Variants in KDM1B observed in about 807,000 individuals in gnomAD.
The protein encoded by KDM1B is lysine-specific histone demethylase 2.
A neutral mutation model predicts 107.4 loss-of-function variants in KDM1B; 63 were observed. The observed-to-expected ratio is 0.59, with a 90% CI of 0.48 to 0.72. The LOEUF is 0.72. Ranked by LOEUF, KDM1B falls within the 30% of genes least tolerant of loss-of-function variation. The probability of loss-of-function intolerance (pLI) is 0.00; values close to 1 mark genes in which losing one functional copy is unlikely to be tolerated. For missense variants in KDM1B, 749 were observed against 1,020.8 expected, an observed-to-expected ratio of 0.73 and a Z score of 3.63; for synonymous variants, 363 against 363.9, an observed-to-expected ratio of 1.00 and a Z score of 0.03.
In KDM1B at chr6:18,204,767, C is replaced by G. The variant is rs1341397680; in HGVS notation, c.1532-770C>G. Among the ~76,000 whole-genome samples, 2 of 152,116 alleles carry G rather than the reference C, an allele frequency of 1.3e-5. No homozygotes were observed. The highest frequency in any genetic ancestry group is 4.8e-5 in the African/African-American group (2 of 41,414). ...GAAATTCTGGGGGCTTGCCACGGCC[C>G]GGTGATGCCCGACTATAAAGAATGG... On this transcript the variant is annotated intron_variant, in intron 14 of 21. Coordinates refer to ENST00000650836, the MANE Select transcript of KDM1B (RefSeq NM_001364614.2). The surrounding 1 kb of genome is among the most constrained non-coding windows in gnomAD (Gnocchi z 4.9).
At chr6:18,190,111 T>C (rs946045624) in intron 9 of KDM1B, among the ~76,000 whole-genome samples, 68 of 150,402 alleles carry the variant, frequency 4.5e-4, no homozygotes, top group Non-Finnish European at 1.5e-4. Context: ...GATTGTGCCA[T>C]TACACTCCAG....
At chr6:18,210,665 C>G (rs2151017100) in intron 17 of KDM1B, among the ~76,000 whole-genome samples, 1 of 152,098 alleles carries the variant, frequency 6.6e-6, no homozygotes, top group Admixed American at 6.6e-5. Flanking sequence ...CTGGGCTACT[C>G]AAGTTCTTAT....
At chr6:18,218,131 G>GT (rs1433520462) in intron 21 of KDM1B, among the ~76,000 whole-genome samples, 2 of 151,040 alleles carry the variant, frequency 1.3e-5, no homozygotes, top group Admixed American at 6.6e-5. Context: ...TTTCTTTTTT[G>GT]TTTTTTTGAG....
At chr6:18,174,372 T>A (rs1785853913) in intron 7 of KDM1B, among the ~76,000 whole-genome samples, 1 of 152,168 alleles carries the variant, frequency 6.6e-6, no homozygotes, top group Non-Finnish European at 1.5e-5. Context: ...TATGGGTCAT[T>A]TGGAGAAGTG....
intron 7 of KDM1B, among the ~76,000 whole-genome samples, chr6:18,184,045 T>C (rs1786662115): frequency 6.6e-6 from 1 of 151,974 alleles, no homozygotes; most frequent in Admixed American, 6.6e-5. Flanking sequence ...CATAACTCAA[T>C]GAATTTTCGC....
Position 18,209,590 on chromosome 6 carries a change from T to C in KDM1B, c.1866+1384T>C, listed in dbSNP as rs939121783. On this transcript the variant is annotated intron_variant, in intron 17 of 21. Transcript: ENST00000650836. The surrounding 1 kb of genome is among the most constrained non-coding windows in gnomAD (Gnocchi z 4.3). ...AAGCCCCACCCTGATGCGTTCTTGTTGAATTGGCCTCGCTTTTTTGTTTGT... is the reference window on the plus strand; with the variant it reads ...AAGCCCCACCCTGATGCGTTCTTGTCGAATTGGCCTCGCTTTTTTGTTTGT... Among the ~76,000 whole-genome samples, 12 of 152,190 alleles carry C rather than the reference T, an allele frequency of 7.9e-5. No homozygotes were observed. Among genetic ancestry groups the C allele is most frequent in the African/African-American group, 2.7e-4 (11 of 41,466 alleles).
chr6:18,199,330 C>T (rs1787882328), intron 12 of KDM1B, among the ~76,000 whole-genome samples: 3 of 152,162 alleles, frequency 2.0e-5, no homozygotes. Flanking sequence ...CCTTTCCGCC[C>T]CATCCCCAAG....
intron 12 of KDM1B, among the ~76,000 whole-genome samples, chr6:18,198,540 T>C (rs1260580447): frequency 6.6e-6 from 1 of 151,566 alleles, no homozygotes; most frequent in East Asian, 2.0e-4. Flanking sequence ...CCAGTTAAAT[T>C]TTTTTATGCC....
rs1164736109 is a variant in KDM1B at position 18,211,949 on chromosome 6, G to GTTT, written c.1867-525_1867-523dup. 16 of 135,382 alleles carry GTTT rather than the reference G, an allele frequency of 1.2e-4. No homozygotes were observed. Among genetic ancestry groups the GTTT allele is most frequent in the South Asian group, 2.3e-4 (1 of 4,304 alleles). The allele number at this position is 135,382 out of a possible 1,614,324, so 8.4% of individuals were successfully genotyped here. On this transcript the variant is annotated intron_variant, in intron 17 of 21. Coordinates refer to ENST00000650836, the MANE Select transcript of KDM1B (RefSeq NM_001364614.2). The surrounding 1 kb of genome is among the most constrained non-coding windows in gnomAD (Gnocchi z 5.2). The stretch of plus-strand genomic sequence containing the variant: ...CTCAAGTACTGCTTTTCGGGGTTTT[G>GTTT]TTTTTTTTTTTTTTTTGAGACAGTC...
At chr6:18,207,969 T>C (rs1198201934) in intron 16 of KDM1B, among the ~76,000 whole-genome samples, 163 bp from the exon 17 acceptor site, 1 of 152,260 alleles carries the variant, frequency 6.6e-6, no homozygotes, top group Non-Finnish European at 1.5e-5. Context: ...GTATAAATTC[T>C]AACTCCCTCA....
intron 20 of KDM1B, 113 bp from the exon 21 acceptor site, chr6:18,217,620 A>G (rs1006190081): frequency 5.1e-5 from 39 of 764,372 alleles, no homozygotes; most frequent in East Asian, 1.8e-4. Flanking sequence ...CTTGTGATCC[A>G]CCCGCCTTAG....
chr6:18,182,388 AAGTC>A (rs1255949071), intron 7 of KDM1B, among the ~76,000 whole-genome samples: 3 of 152,150 alleles, frequency 2.0e-5, no homozygotes, highest in African/African-American at 7.2e-5. Flanking sequence ...GTTAAGGAGA[AAGTC>A]AGTGAAGGTT....
chr6:18,176,564 C>A (rs113892766), intron 7 of KDM1B, among the ~76,000 whole-genome samples: 19,855 of 151,990 alleles, frequency 0.13, 1,348 homozygotes, highest in South Asian at 0.19. Context: ...CAACTCTTCC[C>A]CATTCAGTAT....
At chr6:18,158,566 T>G (rs942182636) in intron 2 of KDM1B, among the ~76,000 whole-genome samples, 2 of 152,238 alleles carry the variant, frequency 1.3e-5, no homozygotes, top group African/African-American at 4.8e-5. Flanking sequence ...GTTCCACTTT[T>G]CCACTTTCAA....
In KDM1B at chr6:18,205,500, A is replaced by G; in HGVS notation, c.1532-37A>G. 1 of 1,537,348 alleles carries G rather than the reference A, an allele frequency of 6.5e-7. No homozygotes were observed. The highest frequency in any genetic ancestry group is 8.8e-7 in the Non-Finnish European group (1 of 1,140,096). Reference sequence around the variant, plus strand: ...AGAAAGAATTGGAGAATCTTGTTAAAGCTATTTTTTTCTGCTTTGATCCAT... The same window carrying G: ...AGAAAGAATTGGAGAATCTTGTTAAGGCTATTTTTTTCTGCTTTGATCCAT... On this transcript the variant is annotated intron_variant, in intron 14 of 21. Coordinates refer to ENST00000650836, the MANE Select transcript of KDM1B (RefSeq NM_001364614.2). This position sits in a 1 kb window ranked among gnomAD's most constrained non-coding sequence, Gnocchi z 5.7.
At chr6:18,168,510 A>G (rs780265489) in intron 6 of KDM1B, among the ~76,000 whole-genome samples, 3 of 152,188 alleles carry the variant, frequency 2.0e-5, no homozygotes, top group Non-Finnish European at 4.4e-5. Context: ...GCATTCATCT[A>G]TTGATGGACA....
intron 7 of KDM1B, among the ~76,000 whole-genome samples, chr6:18,181,346 C>A (rs114530855): frequency 6.6e-6 from 1 of 151,878 alleles, no homozygotes; most frequent in Non-Finnish European, 1.5e-5. Flanking sequence ...TTTAATATAA[C>A]ATCAATTTAA....
At chr6:18,215,709 CCTTT>C (rs906344822) in intron 20 of KDM1B, among the ~76,000 whole-genome samples, 5 of 151,616 alleles carry the variant, frequency 3.3e-5, no homozygotes, top group African/African-American at 9.7e-5. Flanking sequence ...TGTCTTCCTT[CCTTT>C]TTTTCTTCTC....
intron 7 of KDM1B, among the ~76,000 whole-genome samples, chr6:18,180,281 A>G (rs1786369272): frequency 6.6e-6 from 1 of 152,122 alleles, no homozygotes; most frequent in South Asian, 2.1e-4. Flanking sequence ...GAGCGTGTCC[A>G]GCTTGCAGGA....
Sources: allele counts gnomAD v4.1 joint callset (sites outside exome capture counted in the v4.1 genomes callset), GRCh38; gene constraint gnomAD v4.1.1; non-coding constraint Gnocchi (gnomAD v3.1); transcripts MANE v1.5; gene names NCBI Gene and HGNC (gene_info 2026-07-23, HGNC 2026-07-21).